ANXA11: variants seen among roughly 807,000 people sequenced by gnomAD.
The protein encoded by ANXA11 is 56 kDa autoantigen.
A neutral mutation model predicts 64.7 loss-of-function variants in ANXA11; 57 were observed. The ratio of observed to expected loss-of-function variants is 0.88; its 90% confidence interval spans 0.71 to 1.10. The LOEUF is 1.10. Among genes scored for constraint, ANXA11 ranks in the 50% least tolerant of loss-of-function variants. The pLI is 0.00. For synonymous variants in ANXA11, 260 were observed against 265.2 expected, an observed-to-expected ratio of 0.98 and a Z score of 0.19; for missense variants, 675 against 670.7, an observed-to-expected ratio of 1.01 and a Z score of -0.07.
At chr10:80,195,978 TACCATA>T (rs1840144233) in intron 1 of ANXA11, 1 of 152,206 alleles carries the variant, frequency 6.6e-6, no homozygotes, top group Non-Finnish European at 1.5e-5. Context: ...AGCCAAACCA[TACCATA>T]TCTCTTTCAG....
chr10:80,197,791 GC>G (rs1840234593), intron 1 of ANXA11, among the ~76,000 whole-genome samples: 1 of 152,168 alleles, frequency 6.6e-6, no homozygotes, highest in Admixed American at 6.5e-5. Context: ...AAGCGCAGTG[GC>G]GGGCGCCTGT....
intron 1 of ANXA11, among the ~76,000 whole-genome samples, chr10:80,190,859 G>A (rs1846745181): frequency 6.6e-6 from 1 of 151,412 alleles, no homozygotes; most frequent in South Asian, 2.1e-4. Flanking sequence ...GGAAGGCCAA[G>A]GTGGGCGGAC....
In ANXA11 at chr10:80,196,637, A is replaced by C. The variant is rs116452669; in HGVS notation, c.-58+8706T>G. 2.2e-3 allele frequency among the ~76,000 whole-genome samples: 341 copies of C among 152,260 alleles called. 3 individuals carry two copies. Among genetic ancestry groups the C allele is most frequent in the African/African-American group, 7.9e-3 (328 of 41,542 alleles). On this transcript the variant is annotated intron_variant, in intron 1 of 15. Transcript: ENST00000422982. ...CCTGGGCGTGCACTCCAGAGCCCCAATGTCCTGCCCTTGCTGGTCACAGGT... is the reference window on the plus strand; with the variant it reads ...CCTGGGCGTGCACTCCAGAGCCCCACTGTCCTGCCCTTGCTGGTCACAGGT...
intron 1 of ANXA11, among the ~76,000 whole-genome samples, chr10:80,185,271 G>C (rs1846498497): frequency 6.6e-6 from 1 of 152,200 alleles, no homozygotes; most frequent in African/African-American, 2.4e-5. Context: ...CCCAGGCCTA[G>C]CTCAGCCTCA....
chr10:80,169,011 G>A lies in ANXA11; in HGVS notation c.519C>T (p.Tyr173=). 1 of 1,546,508 alleles carries A rather than the reference G, an allele frequency of 6.5e-7. No homozygotes were observed. Among genetic ancestry groups the A allele is most frequent in the Non-Finnish European group, 8.7e-7 (1 of 1,152,142 alleles). Residue 173 remains tyrosine, a synonymous_variant, in exon 5 of 16, where the codon TAC becomes TAT. Coordinates refer to ENST00000422982, the MANE Select transcript of ANXA11 (RefSeq NM_145868.2). Reference sequence around the variant, plus strand: ...CGGGGGTGACAGTCCCAGACCCCGGGTATCCTGGGTAGCTCGGCACTGGCT... The same window carrying A: ...CGGGGGTGACAGTCCCAGACCCCGGATATCCTGGGTAGCTCGGCACTGGCT... ...QQQPVPSYPG[Y]PGSGTVTPAV... is the part of the protein sequence containing the mutation.
rs141008942 is a variant in ANXA11, at chr10:80,172,989, G to C, written c.-8-120C>G. ...CTGGGACCCTGCAGAAGAAACTGCT[G>C]CATCTGCCCTGCTTGTCGCAGACCA... On this transcript the variant is annotated intron_variant, in intron 2 of 15. Coordinates refer to ENST00000422982, the MANE Select transcript of ANXA11 (RefSeq NM_145868.2). The C allele has an allele frequency of 7.6e-4, 618 of 812,664 alleles. 2 individuals carry two copies. In the East Asian group the frequency reaches 0.012, roughly 16 times the overall value. The allele number at this position is 812,664 out of a possible 1,614,324, so 50.3% of individuals were successfully genotyped here. A position where few individuals can be genotyped will look rare whatever the true frequency, so the allele number is the denominator to read the frequency against.
intron 1 of ANXA11, among the ~76,000 whole-genome samples, chr10:80,188,076 G>A (rs933072397): frequency 2.0e-5 from 3 of 152,008 alleles, no homozygotes; most frequent in Non-Finnish European, 2.9e-5. Flanking sequence ...CACTGACATT[G>A]GCTTTCACAA....
chr10:80,203,820 G>A (rs1010159467), intron 1 of ANXA11, among the ~76,000 whole-genome samples: 1 of 152,250 alleles, frequency 6.6e-6, no homozygotes, highest in Non-Finnish European at 1.5e-5. Context: ...ATTCCAGTAA[G>A]ACAGAGAGCA....
In ANXA11 at chr10:80,155,877, C is replaced by T; in HGVS notation, c.1494G>A (p.Leu498=). ...TTCAGTCATTGCCACCACAGATCTT[C>T]AGCAGAATCTTCCGGTAATCCCCTG... The part of the protein sequence containing the change: ...DTSGDYRKIL[L]KICGGND Residue 498 remains leucine (L), a synonymous_variant, in exon 16 of 16, where the codon CTG becomes CTA. Coordinates refer to ENST00000422982, the MANE Select transcript of ANXA11 (RefSeq NM_145868.2). The T allele has an allele frequency of 6.2e-7, 1 of 1,614,256 alleles. No individual in the cohort carries two copies. The highest frequency in any genetic ancestry group is 8.5e-7 in the Non-Finnish European group (1 of 1,180,048).
Position 80,172,840 on chromosome 10 carries a change from G to A in ANXA11, c.22C>T (p.Pro8Ser). ...GCTGGTGGGTAGCCACCTGGGGGCG[G>A]GGGATAGCCAGGGTAGCTCATGGTT... MSYPGYP[P>S]PPGGYPPAAP... Residue 8 changes from proline to serine, a missense_variant, in exon 3 of 16, where the codon CCG becomes TCG. By Grantham distance (74) the Pro-to-Ser change is moderately conservative. Transcript: ENST00000422982. The A allele has an allele frequency of 1.2e-6, 2 of 1,614,058 alleles. No homozygotes were observed. Among genetic ancestry groups the A allele is most frequent in the Non-Finnish European group, 1.7e-6 (2 of 1,179,956 alleles).
At chr10:80,191,028 C>T (rs1344482452) in intron 1 of ANXA11, among the ~76,000 whole-genome samples, 1 of 151,974 alleles carries the variant, frequency 6.6e-6, no homozygotes, top group Non-Finnish European at 1.5e-5. Flanking sequence ...GAGCTTGAGA[C>T]CAGCCTGGCC....
intron 1 of ANXA11, among the ~76,000 whole-genome samples, chr10:80,187,476 T>G (rs1223262541): frequency 6.6e-6 from 1 of 152,222 alleles, no homozygotes; most frequent in Non-Finnish European, 1.5e-5. Context: ...ACCCGGTCTA[T>G]GATATTTTAT....
chr10:80,151,049 T>C lies in ANXA11; in HGVS notation c.*4804A>G, dbSNP rs1589408193. On this transcript the variant is annotated 3_prime_UTR_variant, in exon 16 of 16. Coordinates refer to ENST00000422982, the MANE Select transcript of ANXA11 (RefSeq NM_145868.2). Reference sequence around the variant, plus strand: ...TTCCTATTCCATTTCGTTGACCACATTAAAGTTTTAGAAGCTCTCCTCTAG... The same window carrying C: ...TTCCTATTCCATTTCGTTGACCACACTAAAGTTTTAGAAGCTCTCCTCTAG... 1 of 152,316 alleles carries C rather than the reference T, an allele frequency of 6.6e-6. No individual in the cohort carries two copies. Among genetic ancestry groups the C allele is most frequent in the East Asian group, 1.9e-4 (1 of 5,180 alleles). 9.4% of individuals were successfully genotyped at this position (152,316 alleles called of 1,614,324 possible).
At chr10:80,193,767 G>A (rs1490207974) in intron 1 of ANXA11, among the ~76,000 whole-genome samples, 7 of 146,516 alleles carry the variant, frequency 4.8e-5, no homozygotes, top group East Asian at 2.0e-4. Flanking sequence ...AGCCAAGATC[G>A]TGCCACTGCA....
chr10:80,158,331 G>A (rs900709490), intron 13 of ANXA11, among the ~76,000 whole-genome samples: 1 of 152,180 alleles, frequency 6.6e-6, no homozygotes, highest in African/African-American at 2.4e-5. Flanking sequence ...GAAGCAATGT[G>A]GATGGTGATG....
chr10:80,197,644 C>T (rs1046234656), intron 1 of ANXA11, among the ~76,000 whole-genome samples: 5 of 152,126 alleles, frequency 3.3e-5, no homozygotes, highest in Non-Finnish European at 7.4e-5. Context: ...AACCCCTGGC[C>T]GGGCGCGGTG....
intron 1 of ANXA11, chr10:80,181,260 G>A (rs1167119388): frequency 6.6e-6 from 1 of 152,114 alleles, no homozygotes; most frequent in South Asian, 2.1e-4. Flanking sequence ...ACACCAGCCT[G>A]GGCAACATAA....
intron 1 of ANXA11, among the ~76,000 whole-genome samples, chr10:80,190,534 G>A (rs1194616484): frequency 2.9e-5 from 4 of 139,942 alleles, no homozygotes; most frequent in South Asian, 2.2e-4. Context: ...TGCCCAGGCC[G>A]GACTGCAGTA....
In ANXA11 at chr10:80,154,884, A is replaced by G. The variant is rs1448915280; in HGVS notation, c.*969T>C. 1 of 152,228 alleles carries G rather than the reference A, an allele frequency of 6.6e-6. No individual in the cohort carries two copies. The highest frequency in any genetic ancestry group is 1.5e-5 in the Non-Finnish European group (1 of 68,100). 9.4% of individuals were successfully genotyped at this position (152,228 alleles called of 1,614,324 possible). A position where few individuals can be genotyped will look rare whatever the true frequency, so the allele number is the denominator to read the frequency against. ...ATTCTTCGCACCACACCTTCAGTGG[A>G]CTTCACTGCACCTGCAACCAACCAA... On this transcript the variant is annotated 3_prime_UTR_variant, in exon 16 of 16. Transcript: ENST00000422982.
Sources: allele counts gnomAD v4.1 joint callset (sites outside exome capture counted in the v4.1 genomes callset), GRCh38; gene constraint gnomAD v4.1.1; transcripts MANE v1.5; gene names NCBI Gene and HGNC (gene_info 2026-07-23, HGNC 2026-07-21).